The following LNX1 variants were observed in gnomAD, a reference collection of about 807,000 sequenced individuals.
LNX1 encodes the protein ligand of numb-protein X 1, also known as E3 ubiquitin-protein ligase LNX.
Under a neutral mutation model 68.4 loss-of-function variants are expected in LNX1, and 54 were observed. The ratio of observed to expected loss-of-function variants is 0.79; its 90% CI spans 0.63 to 0.99. LNX1 has a LOEUF of 0.99. Ranked by LOEUF, LNX1 falls within the 50% of genes least tolerant of loss-of-function variation. The pLI, the probability that LNX1 is intolerant of heterozygous loss-of-function variation, is 0.00. For missense variants in LNX1, 906 were observed against 926.4 expected (o/e 0.98, Z 0.29); for synonymous variants, 336 against 350.0 (o/e 0.96, Z 0.45).
intron 9 of LNX1, among the ~76,000 whole-genome samples, chr4:53,465,799 TA>T (rs1722634449): frequency 6.6e-6 from 1 of 152,236 alleles, no homozygotes; most frequent in Non-Finnish European, 1.5e-5. Flanking sequence ...TTATGAAACA[TA>T]GTACCCTTTT....
chr4:53,488,900 C>T (rs10011394), intron 6 of LNX1, among the ~76,000 whole-genome samples: 59,623 of 151,962 alleles, frequency 0.39, 12,248 homozygotes, highest in South Asian at 0.59. Flanking sequence ...GGAAACAGAA[C>T]CCTTCCCCTT....
intron 1 of LNX1, among the ~76,000 whole-genome samples, chr4:53,617,037 A>G (rs1295372372): frequency 6.6e-6 from 1 of 152,216 alleles, no homozygotes; most frequent in Non-Finnish European, 1.5e-5. Context: ...AGTGTGTCAT[A>G]TAAGTCTGTG....
Position 53,520,055 on chromosome 4 carries a change from G to A in LNX1, c.381-11828C>T, listed in dbSNP as rs144972515. ...CATCTTTTTCCTTTGTGGATGTTCT[G>A]TCCCCACGTTTAGTAGAAACAGAAG... On this transcript the variant is annotated intron_variant, in intron 2 of 10. Coordinates refer to ENST00000263925, the MANE Select transcript of LNX1 (RefSeq NM_001126328.3). Among the ~76,000 whole-genome samples, 1,110 of 152,288 alleles carry A rather than the reference G, an allele frequency of 7.3e-3. 6 individuals are homozygous for A. The highest frequency in any genetic ancestry group is 0.013 in the Non-Finnish European group (878 of 68,028).
intron 4 of LNX1, among the ~76,000 whole-genome samples, chr4:53,504,801 A>C (rs1378113191): frequency 1.3e-5 from 2 of 152,220 alleles, no homozygotes; most frequent in Non-Finnish European, 2.9e-5. Flanking sequence ...GCCCAAGAAG[A>C]GAGACATGGG....
chr4:53,495,772 G>C (rs1283155957), intron 6 of LNX1, among the ~76,000 whole-genome samples: 1 of 152,160 alleles, frequency 6.6e-6, no homozygotes, highest in African/African-American at 2.4e-5. Flanking sequence ...TTGAACTCCT[G>C]ACCTCATGTG....
intron 1 of LNX1, among the ~76,000 whole-genome samples, chr4:53,581,758 C>G (rs563215861): frequency 6.6e-6 from 1 of 152,288 alleles, no homozygotes; most frequent in South Asian, 2.1e-4. Context: ...ATTATGGAAG[C>G]TACAATACAA....
intron 1 of LNX1, among the ~76,000 whole-genome samples, chr4:53,640,208 T>A (rs981731133): frequency 6.6e-6 from 1 of 152,158 alleles, no homozygotes; most frequent in Non-Finnish European, 1.5e-5. Flanking sequence ...TTTGTAGATT[T>A]ACGTATTAAA....
chr4:53,500,753 G>T (rs1447844407), intron 4 of LNX1, among the ~76,000 whole-genome samples: 2 of 152,158 alleles, frequency 1.3e-5, no homozygotes, highest in Non-Finnish European at 2.9e-5. Flanking sequence ...ACAGTACTCG[G>T]GTGATTGAGT....
chr4:53,609,395 C>G (rs553377039), intron 2 of LNX1, among the ~76,000 whole-genome samples: 1 of 151,288 alleles, frequency 6.6e-6, no homozygotes, highest in African/African-American at 2.4e-5. Context: ...TATGTTTTAA[C>G]CCATAAACCA....
intron 1 of LNX1, among the ~76,000 whole-genome samples, chr4:53,636,281 A>C (rs1577819246): frequency 7.0e-6 from 1 of 143,266 alleles, no homozygotes; most frequent in East Asian, 2.1e-4. Flanking sequence ...ACAAAACTTC[A>C]TTGTCTTGAA....
At chr4:53,478,803 T>C (rs1723736719) in intron 7 of LNX1, 61 bp from the exon 8 acceptor site, 3 of 1,513,038 alleles carry the variant, frequency 2.0e-6, no homozygotes, top group Non-Finnish European at 2.7e-6. Context: ...TTTTTGAATG[T>C]AGAAAATGCA....
intron 2 of LNX1, among the ~76,000 whole-genome samples, chr4:53,555,948 A>G (rs1159269092): frequency 6.6e-6 from 1 of 152,244 alleles, no homozygotes; most frequent in African/African-American, 2.4e-5. Flanking sequence ...AAGTAAACAA[A>G]TGGAAAGATT....
At chr4:53,523,778 T>G (rs1727415495) in intron 2 of LNX1, among the ~76,000 whole-genome samples, 1 of 152,226 alleles carries the variant, frequency 6.6e-6, no homozygotes, top group Non-Finnish European at 1.5e-5. Flanking sequence ...GTTTTAGACT[T>G]GAAACAATTA....
chr4:53,518,510 T>C (rs992349083), intron 2 of LNX1, among the ~76,000 whole-genome samples: 13 of 152,190 alleles, frequency 8.5e-5, no homozygotes, highest in Admixed American at 6.5e-4. Context: ...AATAGTAACA[T>C]AATTACAGCC....
intron 9 of LNX1, among the ~76,000 whole-genome samples, chr4:53,476,166 G>A (rs1162148839): frequency 1.3e-5 from 2 of 152,082 alleles, no homozygotes; most frequent in Non-Finnish European, 2.9e-5. Flanking sequence ...GCGTGGTGGT[G>A]TGTGCCTGTA....
chr4:53,465,433 A>ACAT (rs1268253624), intron 9 of LNX1, among the ~76,000 whole-genome samples: 2 of 152,210 alleles, frequency 1.3e-5, no homozygotes, highest in East Asian at 3.8e-4. Flanking sequence ...ATCACTAAAC[A>ACAT]CATTATTTAG....
Position 53,459,520 on chromosome 4 carries a change from A to AATG in LNX1, c.*1384_*1386dup, listed in dbSNP as rs1276716600. The AATG allele has an allele frequency of 1.9e-6, 3 of 1,593,638 alleles. No individual in the cohort carries two copies. Among genetic ancestry groups the AATG allele is most frequent in the South Asian group, 2.3e-5 (2 of 88,308 alleles). On this transcript the variant is annotated 3_prime_UTR_variant, in exon 11 of 11. Coordinates refer to ENST00000263925, the MANE Select transcript of LNX1 (RefSeq NM_001126328.3). ...TATAAATCTTGTTATTTTTCTGGATAATGTTTAAGAAATTTACCTTAAATC... is the reference window on the plus strand; with the variant it reads ...TATAAATCTTGTTATTTTTCTGGATAATGATGTTTAAGAAATTTACCTTAAATC...
chr4:53,628,728 G>C (rs1734163712), intron 1 of LNX1, among the ~76,000 whole-genome samples: 1 of 151,926 alleles, frequency 6.6e-6, no homozygotes, highest in Non-Finnish European at 1.5e-5. Context: ...ACCAACCTAA[G>C]TGCCCATTGA....
At chr4:53,637,568 C>T (rs137883311) in intron 1 of LNX1, among the ~76,000 whole-genome samples, 19 of 152,236 alleles carry the variant, frequency 1.2e-4, no homozygotes, top group Admixed American at 2.6e-4. Context: ...TCAATCCCCA[C>T]GACACTGTAA....
Sources: gnomAD v4.1 joint callset for allele counts (sites outside exome capture counted in the v4.1 genomes callset) on GRCh38, gnomAD v4.1.1 for gene constraint, MANE v1.5 for transcripts, NCBI Gene and HGNC (gene_info 2026-07-23, HGNC 2026-07-21) for gene names.